The following PDLIM5 variants were observed in gnomAD, a reference collection of about 807,000 sequenced individuals.
PDLIM5 encodes the protein PDZ and LIM domain protein 5.
PDLIM5 carries 34 observed loss-of-function variants against 64.2 expected under a neutral mutation model. That is an observed-to-expected ratio of 0.53 (90% CI 0.40 to 0.71). PDLIM5 has a LOEUF of 0.71. PDLIM5 is among the 30% of genes least tolerant of loss of function. The pLI is 0.00. For missense variants in PDLIM5, 683 were observed against 733.6 expected, an observed-to-expected ratio of 0.93 and a Z score of 0.80; for synonymous variants, 253 against 269.1, an observed-to-expected ratio of 0.94 and a Z score of 0.59.
chr4:94,494,602 G>A (rs1448022412), intron 2 of PDLIM5, among the ~76,000 whole-genome samples: 1 of 150,940 alleles, frequency 6.6e-6, no homozygotes, highest in African/African-American at 2.4e-5. Context: ...ACCATGCCCG[G>A]CTAATTTTTG....
At chr4:94,562,134 T>C (rs1481267717) in intron 3 of PDLIM5, among the ~76,000 whole-genome samples, 1 of 152,240 alleles carries the variant, frequency 6.6e-6, no homozygotes, top group East Asian at 1.9e-4. Flanking sequence ...AGTGGACATT[T>C]GTTTGTGACC....
At chr4:94,633,893 A>G (rs1740351601) in intron 8 of PDLIM5, among the ~76,000 whole-genome samples, 1 of 152,156 alleles carries the variant, frequency 6.6e-6, no homozygotes, top group Non-Finnish European at 1.5e-5. Context: ...CAGAGACCAG[A>G]AGGAAGTGAG....
intron 3 of PDLIM5, among the ~76,000 whole-genome samples, chr4:94,528,693 C>G (rs1461746649): frequency 6.6e-6 from 1 of 152,114 alleles, no homozygotes; most frequent in Non-Finnish European, 1.5e-5. Context: ...ACAAAAATCT[C>G]TGCTTTCATA....
chr4:94,523,951 GTTA>G, intron 3 of PDLIM5, 76 bp downstream of exon 3: 4 of 1,029,034 alleles, frequency 3.9e-6, no homozygotes, highest in Non-Finnish European at 5.9e-6. Context: ...GACTCACGGT[GTTA>G]ACTAAGACTC....
chr4:94,659,756 C>T (rs907881332), intron 11 of PDLIM5, among the ~76,000 whole-genome samples: 1 of 151,694 alleles, frequency 6.6e-6, no homozygotes, highest in Admixed American at 6.6e-5. Flanking sequence ...TCTCGATCTC[C>T]TGACCTCGTG....
intron 2 of PDLIM5, among the ~76,000 whole-genome samples, chr4:94,518,759 T>G (rs1729577655): frequency 6.6e-6 from 1 of 152,216 alleles, no homozygotes; most frequent in South Asian, 2.1e-4. Context: ...CATATGTACT[T>G]GGATGTATAT....
chr4:94,511,514 G>C (rs192818824), intron 2 of PDLIM5, among the ~76,000 whole-genome samples: 1 of 151,834 alleles, frequency 6.6e-6, no homozygotes, highest in African/African-American at 2.4e-5. Flanking sequence ...AGTTATTATT[G>C]ACTATAGTCA....
Position 94,665,840 on chromosome 4 carries a change from T to G in PDLIM5, c.*1773T>G. 1.5e-6 allele frequency: 2 copies of G among 1,357,068 alleles called. No individual in the cohort carries two copies. The highest frequency in any genetic ancestry group is 2.0e-5 in the South Asian group (1 of 50,396). The allele number at this position is 1,357,068 out of a possible 1,614,324, so 84.1% of individuals were successfully genotyped here. On this transcript the variant is annotated 3_prime_UTR_variant, in exon 13 of 13. Transcript: ENST00000317968. ...GCTTTTATTCACAGAGGTTGGGTAG[T>G]GTTGGGAGGGGAGTTTAATTACTCA...
At chr4:94,571,858 C>T (rs939312397) in intron 3 of PDLIM5, among the ~76,000 whole-genome samples, 1 of 149,456 alleles carries the variant, frequency 6.7e-6, no homozygotes, top group Non-Finnish European at 1.5e-5. Context: ...TATAATAACC[C>T]TACAAGCTAA....
At chr4:94,588,058 A>T in intron 7 of PDLIM5, 2 of 913,008 alleles carry the variant, frequency 2.2e-6, no homozygotes, top group Non-Finnish European at 2.6e-6. Context: ...ATTATATATT[A>T]GAGCTAAATT....
intron 7 of PDLIM5, among the ~76,000 whole-genome samples, chr4:94,602,797 T>C (rs1017749095): frequency 3.3e-5 from 5 of 152,120 alleles, no homozygotes; most frequent in African/African-American, 9.7e-5. Context: ...ACTGAAGTTA[T>C]TCTAACCATG....
Position 94,556,375 on chromosome 4 carries a change from T to C in PDLIM5, c.249-16976T>C, listed in dbSNP as rs148733939. ...GTGCCGCAATAAACATAGGTGTGCA[T>C]GTGTCTTTATAGCAGCATGATTTAT... On this transcript the variant is annotated intron_variant, in intron 3 of 12. Coordinates refer to ENST00000317968, the MANE Select transcript of PDLIM5 (RefSeq NM_006457.5). 8.3e-3 allele frequency among the ~76,000 whole-genome samples: 1,258 copies of C among 152,296 alleles called. 13 individuals carry two copies. Among genetic ancestry groups the C allele is most frequent in the African/African-American group, 0.028 (1,170 of 41,562 alleles).
intron 5 of PDLIM5, chr4:94,582,986 G>C: frequency 2.6e-6 from 1 of 387,710 alleles, no homozygotes; most frequent in Non-Finnish European, 4.6e-6. Flanking sequence ...GAGTATTATG[G>C]ACAGTGTATA....
chr4:94,617,185 C>G (rs2110393396), intron 7 of PDLIM5, among the ~76,000 whole-genome samples: 1 of 152,186 alleles, frequency 6.6e-6, no homozygotes, highest in Non-Finnish European at 1.5e-5. Context: ...ATAATTTGGG[C>G]TACCTAGAAT....
At chr4:94,524,407 C>T (rs1301474620) in intron 3 of PDLIM5, among the ~76,000 whole-genome samples, 1 of 150,208 alleles carries the variant, frequency 6.7e-6, no homozygotes, top group Non-Finnish European at 1.5e-5. Flanking sequence ...GTGTATACAG[C>T]TTCAGAGAAT....
chr4:94,577,584 T>C (rs1285376128), intron 5 of PDLIM5, among the ~76,000 whole-genome samples: 1 of 138,756 alleles, frequency 7.2e-6, no homozygotes, highest in Non-Finnish European at 1.6e-5. Flanking sequence ...TCGTAATCTT[T>C]TTTTTTTTTT....
At chr4:94,637,631 A>C (rs1179740757) in intron 8 of PDLIM5, among the ~76,000 whole-genome samples, 1 of 152,236 alleles carries the variant, frequency 6.6e-6, no homozygotes, top group Non-Finnish European at 1.5e-5. Flanking sequence ...ACTCTAATTT[A>C]GTCTGAAGAT....
chr4:94,458,938 CAT>C (rs1413291663), intron 2 of PDLIM5, among the ~76,000 whole-genome samples: 1 of 152,166 alleles, frequency 6.6e-6, no homozygotes. Flanking sequence ...TGGATGATCA[CAT>C]GTCATTTAAT....
chr4:94,634,076 A>G (rs973571661), intron 8 of PDLIM5, among the ~76,000 whole-genome samples: 1 of 152,162 alleles, frequency 6.6e-6, no homozygotes, highest in Non-Finnish European at 1.5e-5. Context: ...TCAGAGAGAT[A>G]GCAGGGGTCA....
Sources: allele counts gnomAD v4.1 joint callset (sites outside exome capture counted in the v4.1 genomes callset), GRCh38; gene constraint gnomAD v4.1.1; transcripts MANE v1.5; gene names NCBI Gene and HGNC (gene_info 2026-07-23, HGNC 2026-07-21).